Variants in SLC28A1 observed in about 807,000 individuals in gnomAD.
The protein encoded by SLC28A1 is solute carrier family 28 member 1, also known as sodium/nucleoside cotransporter 1.
Under a neutral mutation model 74.8 loss-of-function variants are expected in SLC28A1, and 64 were observed. The ratio of observed to expected loss-of-function variants is 0.86; its 90% CI spans 0.70 to 1.05. SLC28A1 has a LOEUF of 1.05. Ranked by LOEUF, SLC28A1 falls within the 50% of genes least tolerant of loss-of-function variation. The pLI, the probability that SLC28A1 is intolerant of heterozygous loss-of-function variation, is 0.00. For synonymous variants in SLC28A1, 359 were observed against 335.0 expected (o/e 1.07, Z -0.78); for missense variants, 828 against 822.8 (o/e 1.01, Z -0.08).
the SLC28A1 span, among the ~76,000 whole-genome samples, chr15:84,964,104 G>C: frequency 6.6e-6 from 1 of 152,156 alleles, no homozygotes; most frequent in African/African-American, 2.4e-5. Context: ...TGATTCTCCT[G>C]TCTTGGCCCC....
chr15:84,896,202 G>A (rs955660981), intron 6 of SLC28A1, among the ~76,000 whole-genome samples: 4 of 152,132 alleles, frequency 2.6e-5, no homozygotes, highest in Non-Finnish European at 4.4e-5. Context: ...GACAACTCAC[G>A]GAATGAGAGA....
chr15:84,906,554 TTC>T (rs1967206061), intron 8 of SLC28A1, among the ~76,000 whole-genome samples: 1 of 89,458 alleles, frequency 1.1e-5, no homozygotes, highest in Non-Finnish European at 2.3e-5. Flanking sequence ...CTTTCTTTCT[TTC>T]TTTCTTTCTC....
chr15:84,962,520 C>G, the SLC28A1 span, among the ~76,000 whole-genome samples: 1 of 152,292 alleles, frequency 6.6e-6, no homozygotes, highest in East Asian at 1.9e-4. Flanking sequence ...TCACTGCAAC[C>G]TCCATCTCCT....
At chr15:84,913,191 T>G (rs1968595551) in intron 9 of SLC28A1, among the ~76,000 whole-genome samples, 1 of 152,140 alleles carries the variant, frequency 6.6e-6, no homozygotes, top group South Asian at 2.1e-4. Context: ...TGGTACAGTG[T>G]GCACCACAGC....
At chr15:84,910,669 A>G (rs1459968820) in intron 9 of SLC28A1, among the ~76,000 whole-genome samples, 5 of 152,196 alleles carry the variant, frequency 3.3e-5, no homozygotes, top group East Asian at 3.8e-4. Context: ...CAGAGGTTGC[A>G]GTGAGCTGAG....
chr15:84,928,556 T>C lies in SLC28A1; in HGVS notation c.1083+4446T>C, dbSNP rs1257873749. Among the ~76,000 whole-genome samples the C allele has an allele frequency of 2.9e-3, 67 of 22,978 alleles. 1 individual carries two copies. The highest frequency in any genetic ancestry group is 0.022 in the African/African-American group (61 of 2,714). 15.1% of individuals were successfully genotyped at this position (22,978 alleles called of 152,430 possible). A position where few individuals can be genotyped will look rare whatever the true frequency, so the allele number is the denominator to read the frequency against. On this transcript the variant is annotated intron_variant, in intron 12 of 18. Transcript: ENST00000394573. ...TTTCTTTCTTTCTTTCTTTCTTTCT[T>C]TCTTTCTTTCTTTCTTTCTTTCTTT...
At chr15:84,952,961 C>T in the SLC28A1 span, among the ~76,000 whole-genome samples, 175 of 152,314 alleles carry the variant, frequency 1.1e-3, no homozygotes, top group African/African-American at 4.0e-3. Flanking sequence ...CTTGAAACTT[C>T]CTTCCTCAAT....
intron 11 of SLC28A1, among the ~76,000 whole-genome samples, chr15:84,921,405 C>T (rs1969816861): frequency 6.6e-6 from 1 of 152,240 alleles, no homozygotes; most frequent in Non-Finnish European, 1.5e-5. Context: ...AGATTCCACA[C>T]ATATAAGCCA....
intron 6 of SLC28A1, among the ~76,000 whole-genome samples, chr15:84,902,729 A>G (rs918810977): frequency 1.4e-5 from 2 of 142,210 alleles, no homozygotes; most frequent in African/African-American, 5.3e-5. Flanking sequence ...ACAAGCATTT[A>G]AGTTTTTTTT....
intron 4 of SLC28A1, among the ~76,000 whole-genome samples, chr15:84,889,247 A>G (rs1191399327): frequency 6.6e-6 from 1 of 152,192 alleles, no homozygotes; most frequent in Non-Finnish European, 1.5e-5. Flanking sequence ...GATTTTACAC[A>G]GGGAGGTAGA....
At chr15:84,895,935 A>G (rs1183341481) in intron 6 of SLC28A1, 2 of 991,378 alleles carry the variant, frequency 2.0e-6, no homozygotes, top group African/African-American at 3.5e-5. Context: ...TACCACAGCA[A>G]AATGATTTGA....
At chr15:84,885,734 A>AAG (rs1239466310) in intron 1 of SLC28A1, among the ~76,000 whole-genome samples, 1 of 151,004 alleles carries the variant, frequency 6.6e-6, no homozygotes, top group Non-Finnish European at 1.5e-5. Flanking sequence ...TCCGTCTCAA[A>AAG]AAAAAAAAAA....
chr15:84,912,847 C>CACACACAA (rs60379618), intron 9 of SLC28A1, among the ~76,000 whole-genome samples: 1,528 of 131,048 alleles, frequency 0.012, 17 homozygotes, highest in African/African-American at 0.026. Context: ...CACACACACA[C>CACACACAA]AGATCAAATA....
rs1596374119 is a variant in SLC28A1, at chr15:84,945,454, C to A, written c.*254C>A. The A allele has an allele frequency of 2.7e-5, 14 of 515,652 alleles. No individual in the cohort carries two copies. In the East Asian group the frequency reaches 5.3e-4, roughly 19 times the overall value. 31.9% of individuals were successfully genotyped at this position (515,652 alleles called of 1,614,324 possible). On this transcript the variant is annotated 3_prime_UTR_variant, in exon 19 of 19. Transcript: ENST00000394573. ...CTCCCCCAGTGTGAATTCTCAGGGT[C>A]ACTTCTGCCTCCTCCCGTTTCCCCT...
chr15:84,958,215 C>T, the SLC28A1 span, among the ~76,000 whole-genome samples: 54 of 152,200 alleles, frequency 3.5e-4, no homozygotes, highest in African/African-American at 1.3e-3. Context: ...TCTATAAGGT[C>T]CTATATCTGA....
chr15:84,954,711 T>A, the SLC28A1 span, among the ~76,000 whole-genome samples: 1 of 152,338 alleles, frequency 6.6e-6, no homozygotes, highest in African/African-American at 2.4e-5. Flanking sequence ...GGCTTCCTCA[T>A]TGATCTGCCT....
intron 11 of SLC28A1, among the ~76,000 whole-genome samples, chr15:84,921,393 C>G (rs1969814917): frequency 6.6e-6 from 1 of 152,220 alleles, no homozygotes; most frequent in Non-Finnish European, 1.5e-5. Flanking sequence ...ATCCCTTGAC[C>G]AAGATTCCAC....
intron 6 of SLC28A1, among the ~76,000 whole-genome samples, chr15:84,897,010 T>C (rs1162513734): frequency 3.3e-5 from 5 of 152,048 alleles, no homozygotes; most frequent in Admixed American, 3.3e-4. Context: ...GGGTTTCTCT[T>C]TGGGCTGATG....
chr15:84,950,359 CTTTTT>C (rs571049176), downstream of SLC28A1, among the ~76,000 whole-genome samples: 47,913 of 126,950 alleles, frequency 0.38, 10,131 homozygotes, highest in Non-Finnish European at 0.53. Context: ...CGCCAGTCTC[CTTTTT>C]TTTTTTTTTT....
Sources: allele counts gnomAD v4.1 joint callset (sites outside exome capture counted in the v4.1 genomes callset), GRCh38; gene constraint gnomAD v4.1.1; transcripts MANE v1.5; gene names NCBI Gene and HGNC (gene_info 2026-07-23, HGNC 2026-07-21).